FANCA: variants seen among roughly 807,000 people sequenced by gnomAD.
FANCA encodes the protein Fanconi anemia group A protein.
In FANCA, 236 loss-of-function variants were observed where a neutral mutation model predicts 194.3. The ratio of observed to expected loss-of-function variants is 1.21; its 90% confidence interval spans 1.09 to 1.35. The LOEUF (loss-of-function observed/expected upper bound fraction) is 1.35. Among genes scored for constraint, FANCA ranks in the 40% most tolerant of loss-of-function variants. The pLI is 0.00. For synonymous variants in FANCA, 1,014 were observed against 715.8 expected, an observed-to-expected ratio of 1.42 and a Z score of -6.65; for missense variants, 2,628 against 1,813.9, an observed-to-expected ratio of 1.45 and a Z score of -8.15.
At chr16:89,802,892 G>C (rs2040505351) in intron 8 of FANCA, among the ~76,000 whole-genome samples, 1 of 152,186 alleles carries the variant, frequency 6.6e-6, no homozygotes, top group South Asian at 2.1e-4. Context: ...GAGATGAGAA[G>C]GGTATATGCA....
intron 29 of FANCA, 59 bp from the exon 30 acceptor site, chr16:89,758,764 A>T: frequency 6.2e-7 from 1 of 1,604,038 alleles, no homozygotes; most frequent in Non-Finnish European, 8.5e-7. Flanking sequence ...GCGGTTCCCC[A>T]TAACCAGGGA....
chr16:89,770,818 G>A (rs1400291948), intron 23 of FANCA, among the ~76,000 whole-genome samples, 184 bp from the exon 24 acceptor site: 1 of 152,130 alleles, frequency 6.6e-6, no homozygotes, highest in East Asian at 1.9e-4. Context: ...CCCAATCTTG[G>A]GAATAGCAGC....
rs1287320584 is a variant in FANCA, at chr16:89,815,915, G to C, written c.151C>G (p.Leu51Val). The change falls in exon 2 of 43, where the codon CTG (leucine) becomes GTG (valine). Residue 51 changes from leucine (L) to valine (V), a missense_variant. Physicochemically the swap from Leu to Val is conservative, Grantham distance 32 (BLOSUM62 1). Coordinates refer to ENST00000389301, the MANE Select transcript of FANCA (RefSeq NM_000135.4). ...QKLKESAVRL[L>V]RSHQDLNALL... The stretch of plus-strand genomic sequence containing the variant: ...GCATTCAGGTCCTGATGGCTTCGCA[G>C]GAGGCGCACAGCTGATTCCTTTAAT... 1 of 1,614,178 alleles carries C rather than the reference G, an allele frequency of 6.2e-7. No homozygotes were observed. Among genetic ancestry groups the C allele is most frequent in the Non-Finnish European group, 8.5e-7 (1 of 1,179,982 alleles).
At chr16:89,777,327 A>G (rs1156660236) in intron 20 of FANCA, among the ~76,000 whole-genome samples, 1 of 152,178 alleles carries the variant, frequency 6.6e-6, no homozygotes, top group African/African-American at 2.4e-5. Flanking sequence ...GGCTGTAGTA[A>G]GCCATGACTG....
At position 89,746,604 on chromosome 16, in the gene FANCA, A is replaced by G. The variant is rs1012140447; in HGVS notation, c.3493T>C (p.Leu1165=). 4 of 1,614,014 alleles carry G rather than the reference A, an allele frequency of 2.5e-6. No individual in the cohort carries two copies. Among genetic ancestry groups the G allele is most frequent in the Non-Finnish European group, 3.4e-6 (4 of 1,179,990 alleles). Residue 1165 remains leucine, a synonymous_variant, in exon 35 of 43, where the codon TTA becomes CTA. Transcript: ENST00000389301. ...CCCACCAGAGCAGAGGTCAAAATTA[A>G]GGGGCATTTCGTCTGGCACTTGGCC... The part of the protein sequence containing the change: ...ILAKCQTKCP[L]ILTSALVWWP...
At chr16:89,741,821 G>A (rs2062140532) in intron 37 of FANCA, among the ~76,000 whole-genome samples, 1 of 152,146 alleles carries the variant, frequency 6.6e-6, no homozygotes, top group South Asian at 2.1e-4. Flanking sequence ...ATGAATCAAG[G>A]CTACTGCAGC....
Position 89,764,872 on chromosome 16 carries a change from G to A in FANCA, c.2778+18C>T. The A allele has an allele frequency of 6.2e-7, 1 of 1,613,344 alleles. No homozygotes were observed. Among genetic ancestry groups the A allele is most frequent in the Non-Finnish European group, 8.5e-7 (1 of 1,179,528 alleles). Reference sequence around the variant, plus strand: ...ACTCAGGACGTGGCATGATGCAGGAGAAGGAACGGTCACCTACGTGAACAT... The same window carrying A: ...ACTCAGGACGTGGCATGATGCAGGAAAAGGAACGGTCACCTACGTGAACAT... On this transcript the variant is annotated intron_variant, in intron 28 of 42. Transcript: ENST00000389301.
intron 30 of FANCA, among the ~76,000 whole-genome samples, chr16:89,757,554 TAA>T (rs2038807089): frequency 1.3e-5 from 2 of 152,140 alleles, no homozygotes; most frequent in African/African-American, 4.8e-5. Flanking sequence ...TCCATGAACA[TAA>T]AATGGATTCG....
intron 14 of FANCA, among the ~76,000 whole-genome samples, chr16:89,790,468 T>C (rs2040032013): frequency 1.3e-5 from 2 of 151,954 alleles, no homozygotes; most frequent in Middle Eastern, 3.4e-3. Flanking sequence ...CGCTGGCTCA[T>C]GCCTGTAATC....
intron 22 of FANCA, among the ~76,000 whole-genome samples, chr16:89,772,715 A>G (rs755821660): frequency 3.3e-5 from 5 of 151,564 alleles, no homozygotes; most frequent in Non-Finnish European, 5.9e-5. Context: ...GCAACTTGGG[A>G]GGCTGAGGCG....
intron 28 of FANCA, among the ~76,000 whole-genome samples, chr16:89,763,147 C>T (rs1295704317): frequency 2.0e-5 from 3 of 151,506 alleles, no homozygotes; most frequent in African/African-American, 4.9e-5. Context: ...CTTGGGAGGC[C>T]GAGTCAGGAG....
At chr16:89,764,691 G>C (rs1037964399) in intron 28 of FANCA, 199 bp downstream of exon 28, 3 of 693,294 alleles carry the variant, frequency 4.3e-6, no homozygotes, top group African/African-American at 3.5e-5. Flanking sequence ...TGCTGTTCTT[G>C]CCTCTGAGGA....
At chr16:89,798,294 A>T in intron 10 of FANCA, 2 of 984,164 alleles carry the variant, frequency 2.0e-6, no homozygotes, top group Non-Finnish European at 2.4e-6. Context: ...TCTGCCGTCC[A>T]CACCGCAGTC....
chr16:89,774,857 G>A (rs2039447649), intron 21 of FANCA, among the ~76,000 whole-genome samples: 1 of 151,866 alleles, frequency 6.6e-6, no homozygotes, highest in Non-Finnish European at 1.5e-5. Context: ...ACTTTGAAAG[G>A]CCGAGGCAGG....
intron 11 of FANCA, among the ~76,000 whole-genome samples, 200 bp downstream of exon 11, chr16:89,795,706 T>G (rs1470138618): frequency 6.6e-6 from 1 of 152,228 alleles, no homozygotes; most frequent in Non-Finnish European, 1.5e-5. Flanking sequence ...ATTCTGAATT[T>G]TCTTATAAAA....
At chr16:89,744,548 G>T (rs555393256) in intron 36 of FANCA, 49 of 329,820 alleles carry the variant, frequency 1.5e-4, no homozygotes, top group African/African-American at 1.1e-3. Flanking sequence ...CACTCTAGGA[G>T]CCCACATTAG....
chr16:89,752,226 A>G lies in FANCA; in HGVS notation c.2982-4T>C. The G allele has an allele frequency of 6.2e-7, 1 of 1,612,288 alleles. No homozygotes were observed. The highest frequency in any genetic ancestry group is 1.3e-5 in the African/African-American group (1 of 75,012). ...TGAGTGGTCATAACTCCTTGAGCTG[A>G]AATGAAAATACAATAAAATCCTCCT... On this transcript the variant is annotated splice_region_variant and splice_polypyrimidine_tract_variant and intron_variant, in intron 30 of 42. Transcript: ENST00000389301.
rs763049986 is a variant in FANCA, at chr16:89,739,470, G to A, written c.4010+8C>T. On this transcript the variant is annotated splice_region_variant and intron_variant, in intron 40 of 42. Coordinates refer to ENST00000389301, the MANE Select transcript of FANCA (RefSeq NM_000135.4). ...CCCAGCCCTGACCAGCCCTGTGGGT[G>A]GAGGTACCTGTAAAAAGCGAAAGGC... 4.4e-5 allele frequency: 68 copies of A among 1,551,444 alleles called. No individual in the cohort carries two copies. The South Asian group carries it at 7.2e-4, about 17-fold the overall frequency.
At chr16:89,774,754 A>AAAAAAAAC (rs34932314) in intron 21 of FANCA, among the ~76,000 whole-genome samples, 3 of 145,718 alleles carry the variant, frequency 2.1e-5, no homozygotes, top group East Asian at 2.0e-4. Flanking sequence ...AAAAAAAAAA[A>AAAAAAAAC]TCTCAACGAG....
Sources: allele counts gnomAD v4.1 joint callset (sites outside exome capture counted in the v4.1 genomes callset), GRCh38; gene constraint gnomAD v4.1.1; transcripts MANE v1.5; gene names NCBI Gene and HGNC (gene_info 2026-07-23, HGNC 2026-07-21).